PSD3: variants seen among roughly 807,000 people sequenced by gnomAD.
PSD3 encodes PH and SEC7 domain-containing protein 3.
Under a neutral mutation model 105.5 loss-of-function variants are expected in PSD3, and 49 were observed. That is an observed-to-expected ratio of 0.46 (90% confidence interval 0.37 to 0.59). The LOEUF (loss-of-function observed/expected upper bound fraction) is 0.59, where lower values mean the gene tolerates loss of function less well. Among genes scored for constraint, PSD3 ranks in the 20% least tolerant of loss-of-function variants. The probability of loss-of-function intolerance (pLI) is 0.00; values close to 1 mark genes in which losing one functional copy is unlikely to be tolerated. For missense variants in PSD3, 1,561 were observed against 1,263.8 expected, an observed-to-expected ratio of 1.24 and a Z score of -3.57; for synonymous variants, 557 against 457.8, an observed-to-expected ratio of 1.22 and a Z score of -2.77.
intron 1 of PSD3, among the ~76,000 whole-genome samples, chr8:19,060,023 T>C (rs1467732693): frequency 6.6e-6 from 1 of 152,214 alleles, no homozygotes. Context: ...TTGACAAAAG[T>C]CCACCCTTAA....
intron 9 of PSD3, among the ~76,000 whole-genome samples, chr8:18,690,163 C>A (rs115208769): frequency 3.3e-5 from 5 of 152,062 alleles, no homozygotes; most frequent in African/African-American, 1.2e-4. Context: ...ATAAGAACTA[C>A]GAAAAGGAGA....
At chr8:18,537,701 G>C (rs914894946) in intron 15 of PSD3, among the ~76,000 whole-genome samples, 8 of 150,928 alleles carry the variant, frequency 5.3e-5, no homozygotes, top group African/African-American at 2.0e-4. Flanking sequence ...TTTTGAGACA[G>C]AGTCTCATTC....
At chr8:18,647,677 A>G (rs771636009) in intron 10 of PSD3, among the ~76,000 whole-genome samples, 36 of 142,436 alleles carry the variant, frequency 2.5e-4, no homozygotes, top group Non-Finnish European at 4.5e-4. Flanking sequence ...TTAAACTAGG[A>G]TAAGGGAGTG....
intron 14 of PSD3, among the ~76,000 whole-genome samples, chr8:18,562,256 G>T (rs945943898): frequency 6.6e-5 from 10 of 152,192 alleles, no homozygotes; most frequent in African/African-American, 2.4e-4. Context: ...GTTCTAAGGT[G>T]GAAGAGAACC....
At chr8:19,037,167 T>A (rs1827971177) in intron 1 of PSD3, among the ~76,000 whole-genome samples, 1 of 152,254 alleles carries the variant, frequency 6.6e-6, no homozygotes, top group Non-Finnish European at 1.5e-5. Flanking sequence ...AAAATGGCAA[T>A]TTCAGGCCCT....
At chr8:18,804,625 T>G in intron 5 of PSD3, 23 bp from the exon 6 acceptor site, 4 of 1,611,280 alleles carry the variant, frequency 2.5e-6, no homozygotes, top group Non-Finnish European at 3.4e-6. Context: ...AGAATAGACT[T>G]GGTTATTGAA....
At chr8:19,074,605 ATATATATTTTT>A (rs1563546548) in intron 1 of PSD3, among the ~76,000 whole-genome samples, 75 of 18,294 alleles carry the variant, frequency 4.1e-3, no homozygotes, top group African/African-American at 8.7e-3. Context: ...ATATATATAT[ATATATATTTTT>A]TTTTTTTTTT....
Position 19,033,772 on chromosome 8 carries a change from AG to A in PSD3, c.324+50433del, listed in dbSNP as rs1319821198. Among the ~76,000 whole-genome samples the A allele has an allele frequency of 7.9e-5, 12 of 152,132 alleles. No homozygotes were observed. The East Asian group carries it at 2.3e-3, about 29-fold the overall frequency. On this transcript the variant is annotated intron_variant, in intron 1 of 1. Transcript: ENST00000521475. ...GTGGTTGGGATGGAATTGACACCAC[AG>A]CCCCACAAACAACTCTATAACTGTA...
At chr8:18,603,532 T>C (rs1804590963) in intron 11 of PSD3, among the ~76,000 whole-genome samples, 1 of 152,216 alleles carries the variant, frequency 6.6e-6, no homozygotes, top group Admixed American at 6.5e-5. Context: ...AAATTCCAAG[T>C]TGATAACTGC....
chr8:18,700,024 T>C (rs1283947672), intron 9 of PSD3, among the ~76,000 whole-genome samples: 1 of 152,144 alleles, frequency 6.6e-6, no homozygotes, highest in African/African-American at 2.4e-5. Flanking sequence ...TGGGAAAAAA[T>C]TGGTAATGTG....
intron 9 of PSD3, among the ~76,000 whole-genome samples, chr8:18,745,411 T>C (rs1344419879): frequency 6.6e-6 from 1 of 152,242 alleles, no homozygotes; most frequent in Non-Finnish European, 1.5e-5. Flanking sequence ...CTGAGTATAA[T>C]CTAATACTAT....
At position 18,529,162 on chromosome 8, in the gene PSD3, C is replaced by G. The variant is rs984743989; in HGVS notation, c.*6581G>C. 5.3e-5 allele frequency: 8 copies of G among 152,238 alleles called. No individual in the cohort carries two copies. Among genetic ancestry groups the G allele is most frequent in the Non-Finnish European group, 1.2e-4 (8 of 68,054 alleles). The allele number at this position is 152,238 out of a possible 1,614,324, so 9.4% of individuals were successfully genotyped here. Reference sequence around the variant, plus strand: ...CAGGCTACGGAGAGATGCTGGAGAGCTGCTGCTTGTGAATTACAAGAAAGC... The same window carrying G: ...CAGGCTACGGAGAGATGCTGGAGAGGTGCTGCTTGTGAATTACAAGAAAGC... On this transcript the variant is annotated 3_prime_UTR_variant, in exon 16 of 16. Coordinates refer to ENST00000327040, the MANE Select transcript of PSD3 (RefSeq NM_015310.4).
chr8:18,963,068 G>T lies in PSD3; in HGVS notation c.22-26926C>A, dbSNP rs184210422. 4.0e-3 allele frequency among the ~76,000 whole-genome samples: 608 copies of T among 152,286 alleles called. 5 individuals are homozygous for T. Among genetic ancestry groups the T allele is most frequent in the African/African-American group, 0.013 (549 of 41,556 alleles). The stretch of plus-strand genomic sequence containing the variant: ...AGGTCTCAGAATCATGGTGGGAGGC[G>T]AAAGGCACTTCTTACATGGCAGCGG... On this transcript the variant is annotated intron_variant, in intron 1 of 15. Transcript: ENST00000327040.
At chr8:19,024,354 C>A (rs944557081) in intron 1 of PSD3, among the ~76,000 whole-genome samples, 1 of 152,176 alleles carries the variant, frequency 6.6e-6, no homozygotes, top group African/African-American at 2.4e-5. Context: ...GGCTTAGAGA[C>A]ACTGCTGCTC....
chr8:18,864,666 G>A (rs543206902), intron 4 of PSD3: 3 of 152,238 alleles, frequency 2.0e-5, no homozygotes, highest in East Asian at 3.9e-4. Flanking sequence ...CAGGAGAGGC[G>A]AGTGAACACA....
intron 1 of PSD3, among the ~76,000 whole-genome samples, chr8:19,078,792 C>T (rs60203186): frequency 0.056 from 8,429 of 151,556 alleles, 504 homozygotes; most frequent in East Asian, 0.27. Flanking sequence ...AGATGTAAAC[C>T]TGGGAGTGGT....
intron 9 of PSD3, among the ~76,000 whole-genome samples, chr8:18,680,093 A>G (rs1406639801): frequency 1.3e-5 from 2 of 152,258 alleles, no homozygotes; most frequent in African/African-American, 4.8e-5. Flanking sequence ...GTTTATCAAC[A>G]TGAACTTTTA....
intron 12 of PSD3, among the ~76,000 whole-genome samples, chr8:18,577,787 G>A (rs1489592622): frequency 6.6e-6 from 1 of 152,002 alleles, no homozygotes; most frequent in Non-Finnish European, 1.5e-5. Flanking sequence ...GTTTCAAGAA[G>A]CCTTATTTTG....
At chr8:19,052,945 A>G (rs1373933925) in intron 1 of PSD3, among the ~76,000 whole-genome samples, 5 of 152,152 alleles carry the variant, frequency 3.3e-5, no homozygotes, top group African/African-American at 1.2e-4. Context: ...CTTCCTACTG[A>G]CAATGACAAA....
Sources: allele counts gnomAD v4.1 joint callset (sites outside exome capture counted in the v4.1 genomes callset), GRCh38; gene constraint gnomAD v4.1.1; transcripts MANE v1.5; gene names NCBI Gene and HGNC (gene_info 2026-07-23, HGNC 2026-07-21).